PTPRE: variants seen among roughly 807,000 people sequenced by gnomAD.
PTPRE encodes the protein protein tyrosine phosphatase receptor type E.
A neutral mutation model predicts 102.0 loss-of-function variants in PTPRE; 51 were observed. That is an observed-to-expected ratio of 0.50 (90% CI 0.40 to 0.63). The LOEUF is 0.63. PTPRE is among the 30% of genes least tolerant of loss of function. The pLI, the probability that PTPRE is intolerant of heterozygous loss-of-function variation, is 0.00. For synonymous variants in PTPRE, 345 were observed against 348.2 expected (o/e 0.99, Z 0.10); for missense variants, 752 against 915.1 (o/e 0.82, Z 2.30).
chr10:127,945,395 A>G (rs1848554434), intron 1 of PTPRE, among the ~76,000 whole-genome samples: 1 of 152,216 alleles, frequency 6.6e-6, no homozygotes, highest in African/African-American at 2.4e-5. Context: ...GCAACATGCC[A>G]GCCAGACTTT....
At chr10:128,011,737 C>T (rs1564881156) in intron 2 of PTPRE, among the ~76,000 whole-genome samples, 1 of 152,234 alleles carries the variant, frequency 6.6e-6, no homozygotes, top group African/African-American at 2.4e-5. Flanking sequence ...ATCCTAGGGG[C>T]TCCCCCCTCC....
At position 127,907,994 on chromosome 10, in the gene PTPRE, C is replaced by A. The variant is rs12246187; in HGVS notation, c.-31+685C>A. Among the ~76,000 whole-genome samples, 4 of 151,960 alleles carry A rather than the reference C, an allele frequency of 2.6e-5. No individual in the cohort carries two copies. Among genetic ancestry groups the A allele is most frequent in the African/African-American group, 9.7e-5 (4 of 41,384 alleles). ...GCGCGGTGCCAATTCTGAGAGCTCC[C>A]GGGACCATCTGGGGAAGGCCGGGCA... is the stretch of plus-strand genomic sequence containing the variant. On this transcript the variant is annotated intron_variant, in intron 1 of 20. Coordinates refer to ENST00000254667, the MANE Select transcript of PTPRE (RefSeq NM_006504.6). The surrounding 1 kb of genome is among the most constrained non-coding windows in gnomAD (Gnocchi z 4.8).
intron 17 of PTPRE, 50 bp from the exon 18 acceptor site, chr10:128,076,553 A>C: frequency 6.5e-7 from 1 of 1,531,952 alleles, no homozygotes; most frequent in Non-Finnish European, 8.7e-7. Flanking sequence ...CAAAATCGCC[A>C]GCAGCAAATT....
intron 1 of PTPRE, among the ~76,000 whole-genome samples, chr10:127,910,482 C>T (rs925140672): frequency 2.6e-5 from 4 of 152,346 alleles, no homozygotes; most frequent in African/African-American, 9.6e-5. Flanking sequence ...TTCCAGTTCA[C>T]TTGCTCAAGT....
At chr10:127,989,686 A>G (rs1852440217) in intron 2 of PTPRE, among the ~76,000 whole-genome samples, 2 of 152,278 alleles carry the variant, frequency 1.3e-5, no homozygotes, top group African/African-American at 4.8e-5. Context: ...TATGAAAAAT[A>G]TTATTTGACA....
chr10:128,017,870 A>T (rs767890460), intron 2 of PTPRE, among the ~76,000 whole-genome samples: 1 of 152,152 alleles, frequency 6.6e-6, no homozygotes, highest in Non-Finnish European at 1.5e-5. Flanking sequence ...TGGCTCAGAC[A>T]TCCACTGGGC....
chr10:127,958,886 C>A, intron 1 of PTPRE, among the ~76,000 whole-genome samples: 1 of 144,670 alleles, frequency 6.9e-6, no homozygotes. Flanking sequence ...TTCTATTCAA[C>A]TTGCCTTTTT....
chr10:128,040,793 C>A, intron 2 of PTPRE, 82 bp from the exon 3 acceptor site: 1 of 1,057,632 alleles, frequency 9.5e-7, no homozygotes, highest in Non-Finnish European at 1.4e-6. Flanking sequence ...GTTGGCTCTT[C>A]TCCTCATCAT....
At chr10:128,081,930 G>T (rs148043136) in intron 20 of PTPRE, among the ~76,000 whole-genome samples, 3 of 152,316 alleles carry the variant, frequency 2.0e-5, no homozygotes, top group Middle Eastern at 3.4e-3. Flanking sequence ...GTGCTGAGAA[G>T]AGCCCAAGTG....
chr10:128,005,891 G>A (rs748587125), intron 2 of PTPRE, among the ~76,000 whole-genome samples: 4 of 152,088 alleles, frequency 2.6e-5, no homozygotes, highest in Non-Finnish European at 5.9e-5. Flanking sequence ...GAGTCCATTG[G>A]GTCCCGCAGT....
intron 11 of PTPRE, among the ~76,000 whole-genome samples, chr10:128,066,590 CACT>C (rs1360343460): frequency 6.6e-6 from 1 of 152,216 alleles, no homozygotes; most frequent in African/African-American, 2.4e-5. Flanking sequence ...TTATTTTCCA[CACT>C]TGGGTTCTGC....
chr10:128,049,424 C>T, intron 5 of PTPRE, 106 bp from the exon 6 acceptor site: 2 of 1,410,502 alleles, frequency 1.4e-6, no homozygotes, highest in Non-Finnish European at 2.0e-6. Flanking sequence ...ACTGTTCCAG[C>T]TCCAGCCTGG....
intron 2 of PTPRE, among the ~76,000 whole-genome samples, chr10:128,005,066 GC>G (rs1854383337): frequency 6.6e-6 from 1 of 152,166 alleles, no homozygotes; most frequent in Admixed American, 6.5e-5. Context: ...CAAGTCCTTG[GC>G]CTGTTTTTTG....
intron 1 of PTPRE, among the ~76,000 whole-genome samples, chr10:127,921,186 G>T (rs1846574575): frequency 6.6e-6 from 1 of 152,246 alleles, no homozygotes; most frequent in Non-Finnish European, 1.5e-5. Context: ...GGGTGCACTT[G>T]CTGAGTGCCA....
chr10:128,047,614 G>C (rs762076093), intron 4 of PTPRE, 125 bp downstream of exon 4: 9 of 1,613,858 alleles, frequency 5.6e-6, no homozygotes, highest in Non-Finnish European at 6.8e-6. Flanking sequence ...GGGCCTGGGA[G>C]ACACACAGAG....
At chr10:128,052,037 C>CT (rs1245027864) in intron 6 of PTPRE, among the ~76,000 whole-genome samples, 1 of 151,960 alleles carries the variant, frequency 6.6e-6, no homozygotes, top group Non-Finnish European at 1.5e-5. Context: ...GGCTTTTTTA[C>CT]TTTTTTTGTA....
intron 1 of PTPRE, chr10:127,934,995 C>T (rs1216626042): frequency 6.6e-6 from 1 of 152,360 alleles, no homozygotes; most frequent in Non-Finnish European, 1.5e-5. Flanking sequence ...TCCCCAATCC[C>T]TGTCCGTGCC....
intron 2 of PTPRE, among the ~76,000 whole-genome samples, chr10:127,986,290 G>T (rs1268571660): frequency 1.3e-5 from 2 of 152,180 alleles, no homozygotes; most frequent in African/African-American, 4.8e-5. Flanking sequence ...CCTTCAACTG[G>T]AGAAAGCTTG....
chr10:127,942,034 C>T (rs1848283091), intron 1 of PTPRE, among the ~76,000 whole-genome samples: 1 of 136,674 alleles, frequency 7.3e-6, no homozygotes, highest in African/African-American at 2.8e-5. Flanking sequence ...GTCTTTTTAT[C>T]TCATAGAAAA....
Sources: allele counts gnomAD v4.1 joint callset (sites outside exome capture counted in the v4.1 genomes callset), GRCh38; gene constraint gnomAD v4.1.1; non-coding constraint Gnocchi (gnomAD v3.1); transcripts MANE v1.5; gene names NCBI Gene and HGNC (gene_info 2026-07-23, HGNC 2026-07-21).